Variants in ARHGAP10 observed in about 807,000 individuals in gnomAD.
ARHGAP10 encodes the protein rho GTPase-activating protein 10.
In ARHGAP10, 87 loss-of-function variants were observed where a neutral mutation model predicts 108.6. The observed-to-expected ratio is 0.80, with a 90% confidence interval of 0.67 to 0.96. The LOEUF (loss-of-function observed/expected upper bound fraction) is 0.96. Ranked by LOEUF, ARHGAP10 falls within the 40% of genes least tolerant of loss-of-function variation. The pLI is 0.00. For synonymous variants in ARHGAP10, 347 were observed against 341.1 expected (o/e 1.02, Z -0.19); for missense variants, 939 against 954.5 (o/e 0.98, Z 0.21).
At chr4:147,992,537 C>G (rs568942522) in intron 18 of ARHGAP10, among the ~76,000 whole-genome samples, 1 of 152,114 alleles carries the variant, frequency 6.6e-6, no homozygotes, top group Non-Finnish European at 1.5e-5. Flanking sequence ...TCCTGAGAGG[C>G]TGGGATTACA....
At chr4:148,022,223 T>C (rs1741594605) in intron 18 of ARHGAP10, among the ~76,000 whole-genome samples, 1 of 152,206 alleles carries the variant, frequency 6.6e-6, no homozygotes, top group Admixed American at 6.5e-5. Flanking sequence ...ATTTGTTACA[T>C]AGGTATACAT....
chr4:148,007,563 C>T (rs1365875957), intron 18 of ARHGAP10, among the ~76,000 whole-genome samples: 1 of 152,190 alleles, frequency 6.6e-6, no homozygotes, highest in Admixed American at 6.5e-5. Flanking sequence ...TCAAGCCCTT[C>T]ATGCGGTGTG....
At chr4:147,920,729 A>G (rs987612213) in intron 13 of ARHGAP10, among the ~76,000 whole-genome samples, 4 of 152,244 alleles carry the variant, frequency 2.6e-5, no homozygotes, top group East Asian at 1.9e-4. Flanking sequence ...GCAAATTTGC[A>G]CCGATTAAGA....
At chr4:147,897,080 G>T (rs1736022924) in intron 10 of ARHGAP10, among the ~76,000 whole-genome samples, 1 of 151,806 alleles carries the variant, frequency 6.6e-6, no homozygotes, top group South Asian at 2.1e-4. Context: ...CAGTAATATA[G>T]CTACACTTGC....
intron 1 of ARHGAP10, among the ~76,000 whole-genome samples, chr4:147,821,510 T>C (rs1317333239): frequency 6.6e-6 from 1 of 152,160 alleles, no homozygotes; most frequent in Middle Eastern, 3.2e-3. Context: ...TGTTCACATA[T>C]TATTTTTAAA....
Position 147,975,201 on chromosome 4 carries a change from C to CT in ARHGAP10, c.1716+8370dup, listed in dbSNP as rs201124599. ...TAATAGGGATTGTGGTAGAATGTGT[C>CT]TTTTTTTTGGTGTGACAGTGGAGGC... is the stretch of plus-strand genomic sequence containing the variant. On this transcript the variant is annotated intron_variant, in intron 18 of 22. Transcript: ENST00000336498. Among the ~76,000 whole-genome samples, 537 of 152,012 alleles carry CT rather than the reference C, an allele frequency of 3.5e-3. 2 individuals are homozygous for CT. The highest frequency in any genetic ancestry group is 0.012 in the African/African-American group (511 of 41,474).
intron 13 of ARHGAP10, among the ~76,000 whole-genome samples, chr4:147,926,976 C>T (rs998548370): frequency 3.9e-5 from 6 of 152,018 alleles, no homozygotes; most frequent in Admixed American, 1.3e-4. Context: ...TATCCCCATT[C>T]GCATGAGCCC....
intron 1 of ARHGAP10, among the ~76,000 whole-genome samples, chr4:147,781,151 G>A (rs927983075): frequency 1.8e-4 from 28 of 152,080 alleles, no homozygotes; most frequent in Non-Finnish European, 3.8e-4. Flanking sequence ...GAGGTCAAGA[G>A]ATCGAGACCA....
At chr4:148,005,167 T>G (rs1174961227) in intron 18 of ARHGAP10, among the ~76,000 whole-genome samples, 2 of 152,258 alleles carry the variant, frequency 1.3e-5, no homozygotes, top group Admixed American at 1.3e-4. Context: ...GTCTTTGCAC[T>G]TATTTGTTTA....
At chr4:147,792,924 C>T (rs1482153589) in intron 1 of ARHGAP10, among the ~76,000 whole-genome samples, 9 of 152,160 alleles carry the variant, frequency 5.9e-5, no homozygotes, top group South Asian at 4.1e-4. Context: ...CCGAGGCAGG[C>T]GGATCACTTG....
At position 148,009,488 on chromosome 4, in the gene ARHGAP10, C is replaced by G. The variant is rs1478726679; in HGVS notation, c.1717-13775C>G. On this transcript the variant is annotated intron_variant, in intron 18 of 22. Transcript: ENST00000336498. ...TCTTGAGGTAAAAAATGTTAAGATC[C>G]TCTGATCTAGGCTATATTTCTTCAT... is the stretch of plus-strand genomic sequence containing the variant. Among the ~76,000 whole-genome samples the G allele has an allele frequency of 2.0e-5, 3 of 152,082 alleles. 1 individual carries two copies. The highest frequency in any genetic ancestry group is 2.0e-4 in the Admixed American group (3 of 15,266).
In ARHGAP10 at chr4:147,969,771, A is replaced by G. The variant is rs112893945; in HGVS notation, c.1716+2932A>G. On this transcript the variant is annotated intron_variant, in intron 18 of 22. Coordinates refer to ENST00000336498, the MANE Select transcript of ARHGAP10 (RefSeq NM_024605.4). Reference sequence around the variant, plus strand: ...AAGCCTGTTACAATAGTTACAGCAGACGAAAGTGGCCTCGCTTTCAGAGCT... The same window carrying G: ...AAGCCTGTTACAATAGTTACAGCAGGCGAAAGTGGCCTCGCTTTCAGAGCT... Among the ~76,000 whole-genome samples, 61 of 152,320 alleles carry G rather than the reference A, an allele frequency of 4.0e-4. 2 individuals carry two copies. Among genetic ancestry groups the G allele is most frequent in the African/African-American group, 1.4e-3 (58 of 41,570 alleles).
intron 18 of ARHGAP10, among the ~76,000 whole-genome samples, chr4:148,002,547 C>CT (rs1740763591): frequency 6.6e-6 from 1 of 152,078 alleles, no homozygotes; most frequent in Non-Finnish European, 1.5e-5. Context: ...TGGTCCTGGA[C>CT]TTTTTTTGGT....
intron 1 of ARHGAP10, among the ~76,000 whole-genome samples, chr4:147,754,523 A>G (rs1398467174): frequency 1.3e-5 from 2 of 152,168 alleles, no homozygotes; most frequent in Non-Finnish European, 2.9e-5. Flanking sequence ...AGAAAAGCTC[A>G]GTGGGGGTTG....
intron 14 of ARHGAP10, among the ~76,000 whole-genome samples, chr4:147,942,659 C>A (rs371091161): frequency 6.6e-6 from 1 of 152,156 alleles, no homozygotes; most frequent in African/African-American, 2.4e-5. Context: ...CCCCTAATTC[C>A]CAGCTGGCAT....
intron 19 of ARHGAP10, among the ~76,000 whole-genome samples, chr4:148,039,586 C>T (rs1728545294): frequency 6.6e-6 from 1 of 151,762 alleles, no homozygotes; most frequent in Non-Finnish European, 1.5e-5. Flanking sequence ...AGGTGTGAGT[C>T]ACCACACCCG....
At chr4:147,893,250 GT>G (rs1735858210) in intron 10 of ARHGAP10, among the ~76,000 whole-genome samples, 2 of 151,744 alleles carry the variant, frequency 1.3e-5, no homozygotes, top group East Asian at 3.9e-4. Flanking sequence ...GTAGAGACGG[GT>G]TTCACCTTGT....
At chr4:147,999,929 T>G (rs1372572078) in intron 18 of ARHGAP10, among the ~76,000 whole-genome samples, 3 of 151,420 alleles carry the variant, frequency 2.0e-5, no homozygotes, top group African/African-American at 7.3e-5. Flanking sequence ...TAACAGTGTT[T>G]TTTTTTTTTT....
intron 18 of ARHGAP10, among the ~76,000 whole-genome samples, chr4:147,972,551 C>T (rs1739450081): frequency 6.6e-6 from 1 of 152,050 alleles, no homozygotes. Flanking sequence ...CAGTAATATC[C>T]TTGAGAAACA....
Sources: allele counts gnomAD v4.1 joint callset (sites outside exome capture counted in the v4.1 genomes callset), GRCh38; gene constraint gnomAD v4.1.1; transcripts MANE v1.5; gene names NCBI Gene and HGNC (gene_info 2026-07-23, HGNC 2026-07-21).